ATG16L1: variants seen among roughly 807,000 people sequenced by gnomAD.
The protein encoded by ATG16L1 is autophagy related 16 like 1.
ATG16L1 carries 37 observed loss-of-function variants against 88.5 expected under a neutral mutation model. That is an observed-to-expected ratio of 0.42 (90% CI 0.32 to 0.55). The LOEUF is 0.55. Among genes scored for constraint, ATG16L1 ranks in the 20% least tolerant of loss-of-function variants. The pLI is 0.13. For synonymous variants in ATG16L1, 301 were observed against 281.0 expected, an observed-to-expected ratio of 1.07 and a Z score of -0.71; for missense variants, 554 against 752.8, an observed-to-expected ratio of 0.74 and a Z score of 3.09.
chr2:233,280,108 AAC>A (rs1698625073), intron 10 of ATG16L1, among the ~76,000 whole-genome samples: 1 of 152,226 alleles, frequency 6.6e-6, no homozygotes, highest in Non-Finnish European at 1.5e-5. Flanking sequence ...CAACCAGGTT[AAC>A]AGTCTGTGGC....
chr2:233,280,768 G>GA (rs1424163625), intron 10 of ATG16L1, among the ~76,000 whole-genome samples: 1 of 152,208 alleles, frequency 6.6e-6, no homozygotes, highest in Non-Finnish European at 1.5e-5. Context: ...TAGTGGAACT[G>GA]AATAAACCCA....
intron 17 of ATG16L1, among the ~76,000 whole-genome samples, chr2:233,293,730 G>A (rs1273833297): frequency 6.6e-6 from 1 of 152,060 alleles, no homozygotes; most frequent in South Asian, 2.1e-4. Flanking sequence ...GTGCATTGAC[G>A]TGTCCTAAAC....
intron 6 of ATG16L1, among the ~76,000 whole-genome samples, chr2:233,271,895 G>A (rs1431278623): frequency 5.3e-5 from 8 of 152,098 alleles, no homozygotes; most frequent in African/African-American, 1.9e-4. Flanking sequence ...CTTTCGACCT[G>A]CCTTTTATTC....
At chr2:233,292,341 C>G in intron 15 of ATG16L1, 46 bp from the exon 16 acceptor site, 1 of 1,614,178 alleles carries the variant, frequency 6.2e-7, no homozygotes, top group Non-Finnish European at 8.5e-7. Flanking sequence ...TAACGTGCTG[C>G]GTGGCCTGAG....
chr2:233,289,803 A>G (rs561819929), intron 12 of ATG16L1, 51 bp from the exon 13 acceptor site: 1 of 1,598,708 alleles, frequency 6.3e-7, no homozygotes, highest in African/African-American at 1.3e-5. Flanking sequence ...TTGCCAGCAT[A>G]GGCAGGGCCT....
chr2:233,272,008 G>A (rs1393564124), intron 6 of ATG16L1, among the ~76,000 whole-genome samples: 1 of 152,212 alleles, frequency 6.6e-6, no homozygotes, highest in Non-Finnish European at 1.5e-5. Flanking sequence ...AACTTGCTTA[G>A]TAACAGGTTC....
chr2:233,280,560 A>G (rs186931112), intron 10 of ATG16L1, among the ~76,000 whole-genome samples: 53 of 152,298 alleles, frequency 3.5e-4, no homozygotes, highest in Middle Eastern at 3.4e-3. Flanking sequence ...AGAAACTCCA[A>G]ACTAGCTTGA....
intron 6 of ATG16L1, among the ~76,000 whole-genome samples, chr2:233,272,112 A>G (rs775620585): frequency 8.5e-5 from 13 of 152,214 alleles, no homozygotes; most frequent in African/African-American, 1.2e-4. Context: ...AGGTGATGAA[A>G]TCTTGGGTTA....
At chr2:233,275,813 C>T (rs1311223431) in intron 9 of ATG16L1, 1 of 519,074 alleles carries the variant, frequency 1.9e-6, no homozygotes, top group African/African-American at 1.9e-5. Flanking sequence ...CATTTTTTCC[C>T]TCCCGTCACA....
At position 233,256,770 on chromosome 2, in the gene ATG16L1, CT is replaced by C; in HGVS notation, c.209+576del. On this transcript the variant is annotated intron_variant, in intron 2 of 17. Transcript: ENST00000392017. ...AGTACAGTGGCACGATCTCAGCTCA[CT>C]GCAACCTGCAACCTCTACCTCCTGG... 1.3e-5 allele frequency among the ~76,000 whole-genome samples: 2 copies of C among 151,804 alleles called. 1 individual carries two copies. Among genetic ancestry groups the C allele is most frequent in the South Asian group, 4.2e-4 (2 of 4,800 alleles).
In ATG16L1 at chr2:233,274,700, A is replaced by G; in HGVS notation, c.876A>G (p.Pro292=). ...IFGRRSVSSF[P]VPQDNVDTHP... is the part of the protein sequence containing the mutation. The stretch of plus-strand genomic sequence containing the variant: ...GGAGACGCTCTGTCTCTTCCTTCCC[A>G]GTCCCCCAGGACAATGTGGATACTC... Residue 292 remains proline (P), a synonymous_variant, in exon 9 of 18, where the codon CCA becomes CCG. Transcript: ENST00000392017. 6.2e-7 allele frequency: 1 copy of G among 1,611,500 alleles called. No individual in the cohort carries two copies. Among genetic ancestry groups the G allele is most frequent in the Non-Finnish European group, 8.5e-7 (1 of 1,177,724 alleles).
intron 16 of ATG16L1, 147 bp downstream of exon 16, chr2:233,292,581 ACCATTATTGTCTCTTCCTTT>A: frequency 2.1e-6 from 2 of 947,584 alleles, no homozygotes; most frequent in African/African-American, 1.6e-5. Flanking sequence ...ATTGCAGGCC[ACCATTATTGTCTCTTCCTTT>A]CCAGTGTTCC....
chr2:233,285,017 A>T (rs4663402), intron 12 of ATG16L1, among the ~76,000 whole-genome samples: 7,869 of 152,354 alleles, frequency 0.052, 247 homozygotes, highest in Admixed American at 0.08. Flanking sequence ...TTCTTGTCTT[A>T]ATGACGGACT....
rs996189573 is a variant in ATG16L1 at position 233,255,963 on chromosome 2, C to T, written c.116-139C>T. 4 of 641,188 alleles carry T rather than the reference C, an allele frequency of 6.2e-6. No homozygotes were observed. In the South Asian group the frequency reaches 8.7e-5, roughly 14 times the overall value. 39.7% of individuals were successfully genotyped at this position (641,188 alleles called of 1,614,324 possible). Reference sequence around the variant, plus strand: ...CCCTTTAATAGGGAAGACATTCTTGCAGGTGATTCTGTAGGTTACTGTGGC... The same window carrying T: ...CCCTTTAATAGGGAAGACATTCTTGTAGGTGATTCTGTAGGTTACTGTGGC... On this transcript the variant is annotated intron_variant, in intron 1 of 17. Coordinates refer to ENST00000392017, the MANE Select transcript of ATG16L1 (RefSeq NM_030803.7).
intron 1 of ATG16L1, among the ~76,000 whole-genome samples, chr2:233,253,927 C>T (rs1559372957): frequency 6.6e-6 from 1 of 152,172 alleles, no homozygotes; most frequent in Non-Finnish European, 1.5e-5. Context: ...AAGCTAATAT[C>T]CTTTGAAAGT....
intron 8 of ATG16L1, 60 bp from the exon 9 acceptor site, chr2:233,274,616 T>C (rs1698217105): frequency 7.4e-7 from 1 of 1,350,192 alleles, no homozygotes; most frequent in Non-Finnish European, 1.0e-6. Context: ...TTTCTAACAA[T>C]TTGATGAGCA....
intron 11 of ATG16L1, 104 bp from the exon 12 acceptor site, chr2:233,282,578 G>C: frequency 1.0e-6 from 1 of 987,492 alleles, no homozygotes; most frequent in South Asian, 1.3e-5. Context: ...ATAGGGTGAA[G>C]CATCTAAACC....
chr2:233,256,006 T>C, intron 1 of ATG16L1, 96 bp from the exon 2 acceptor site: 1 of 927,970 alleles, frequency 1.1e-6, no homozygotes, highest in Non-Finnish European at 1.7e-6. Context: ...TGTATGTTCC[T>C]GTATTGCATC....
Position 233,264,196 on chromosome 2 carries a change from G to A in ATG16L1, c.389+131G>A, listed in dbSNP as rs1431837503. The A allele has an allele frequency of 3.5e-6, 3 of 848,044 alleles. No individual in the cohort carries two copies. In the East Asian group the frequency reaches 7.8e-5, roughly 22 times the overall value. 52.5% of individuals were successfully genotyped at this position (848,044 alleles called of 1,614,324 possible). A position where few individuals can be genotyped will look rare whatever the true frequency, so the allele number is the denominator to read the frequency against. ...ACTTAGCGAGAGTTTGATTTTCAGT[G>A]CATACACACTCTGGGATCCTTTTCT... is the stretch of plus-strand genomic sequence containing the variant. On this transcript the variant is annotated intron_variant, in intron 4 of 17. Coordinates refer to ENST00000392017, the MANE Select transcript of ATG16L1 (RefSeq NM_030803.7).
Sources: gnomAD v4.1 joint callset for allele counts (sites outside exome capture counted in the v4.1 genomes callset) on GRCh38, gnomAD v4.1.1 for gene constraint, MANE v1.5 for transcripts, NCBI Gene and HGNC (gene_info 2026-07-23, HGNC 2026-07-21) for gene names.